The following NKAIN2 variants were observed in gnomAD, a reference collection of about 807,000 sequenced individuals.
NKAIN2 encodes the protein sodium/potassium-transporting ATPase subunit beta-1-interacting protein 2.
NKAIN2 carries 14 observed loss-of-function variants against 32.6 expected under a neutral mutation model. The ratio of observed to expected loss-of-function variants is 0.43; its 90% confidence interval spans 0.28 to 0.67. The LOEUF (loss-of-function observed/expected upper bound fraction) is 0.67, where lower values mean the gene tolerates loss of function less well. Ranked by LOEUF, NKAIN2 falls within the 30% of genes least tolerant of loss-of-function variation. NKAIN2 has a pLI of 0.17. For synonymous variants in NKAIN2, 80 were observed against 87.2 expected, an observed-to-expected ratio of 0.92 and a Z score of 0.46; for missense variants, 198 against 258.3, an observed-to-expected ratio of 0.77 and a Z score of 1.60.
At chr6:123,833,463 T>C (rs1159461823) in intron 1 of NKAIN2, among the ~76,000 whole-genome samples, 3 of 152,140 alleles carry the variant, frequency 2.0e-5, no homozygotes, top group Non-Finnish European at 2.9e-5. Context: ...ATGTATAAAA[T>C]AAGTTTCTGG....
chr6:123,909,466 G>C (rs952821024), intron 1 of NKAIN2, among the ~76,000 whole-genome samples: 3 of 152,192 alleles, frequency 2.0e-5, no homozygotes, highest in Non-Finnish European at 4.4e-5. Flanking sequence ...CACCCTCTCT[G>C]AGTCTCGCCA....
intron 1 of NKAIN2, among the ~76,000 whole-genome samples, chr6:124,093,881 A>G (rs1004622434): frequency 6.6e-6 from 1 of 152,158 alleles, no homozygotes; most frequent in Non-Finnish European, 1.5e-5. Context: ...GGTTGTTGTT[A>G]GCATCATCCA....
At chr6:124,822,473 A>G (rs945896882) in intron 6 of NKAIN2, among the ~76,000 whole-genome samples, 3 of 152,214 alleles carry the variant, frequency 2.0e-5, no homozygotes, top group African/African-American at 7.2e-5. Context: ...TGGGGCTCCC[A>G]CTGTTCCCAG....
At chr6:124,717,618 C>G (rs544914668) in intron 4 of NKAIN2, among the ~76,000 whole-genome samples, 4 of 152,092 alleles carry the variant, frequency 2.6e-5, no homozygotes, top group African/African-American at 9.6e-5. Flanking sequence ...CAATAATAAG[C>G]CTTAATATGT....
intron 1 of NKAIN2, among the ~76,000 whole-genome samples, chr6:123,882,277 G>GA (rs1239076772): frequency 6.6e-6 from 1 of 151,476 alleles, no homozygotes; most frequent in South Asian, 2.1e-4. Context: ...CATTAATTAT[G>GA]AAAAAAAATC....
intron 4 of NKAIN2, among the ~76,000 whole-genome samples, chr6:124,760,032 G>A (rs539265622): frequency 6.6e-6 from 1 of 152,066 alleles, no homozygotes; most frequent in Non-Finnish European, 1.5e-5. Context: ...CTGTGTAACA[G>A]TGAAAGCTTC....
At chr6:123,966,353 C>A (rs1450022210) in intron 1 of NKAIN2, among the ~76,000 whole-genome samples, 1 of 152,154 alleles carries the variant, frequency 6.6e-6, no homozygotes, top group Non-Finnish European at 1.5e-5. Flanking sequence ...CTAATCATGT[C>A]CTTCCCCCAG....
At chr6:123,862,323 A>G (rs758879764) in intron 1 of NKAIN2, among the ~76,000 whole-genome samples, 8 of 152,064 alleles carry the variant, frequency 5.3e-5, no homozygotes, top group Non-Finnish European at 1.2e-4. Flanking sequence ...TTGCAAACTC[A>G]GTTTTTTAGT....
intron 2 of NKAIN2, among the ~76,000 whole-genome samples, chr6:124,298,401 T>C (rs1228701963): frequency 6.6e-6 from 1 of 152,202 alleles, no homozygotes; most frequent in African/African-American, 2.4e-5. Context: ...CAAACCTTAC[T>C]TGTTGTCATG....
intron 1 of NKAIN2, among the ~76,000 whole-genome samples, chr6:123,987,131 C>T (rs926723592): frequency 5.3e-4 from 80 of 152,150 alleles, no homozygotes; most frequent in African/African-American, 1.8e-3. Context: ...ATACTTCACT[C>T]ATAGTTCAAA....
chr6:124,743,412 TTAA>T (rs1777311930), intron 4 of NKAIN2, among the ~76,000 whole-genome samples: 1 of 150,388 alleles, frequency 6.6e-6, no homozygotes, highest in Admixed American at 6.7e-5. Context: ...AATTAGTACT[TTAA>T]TAATTAATAA....
intron 1 of NKAIN2, among the ~76,000 whole-genome samples, chr6:124,225,173 C>G (rs1792040673): frequency 6.6e-6 from 1 of 151,906 alleles, no homozygotes; most frequent in Admixed American, 6.6e-5. Context: ...GTTTCTGTTT[C>G]TATGTTTTGA....
At chr6:124,582,938 C>T (rs1414581426) in intron 3 of NKAIN2, among the ~76,000 whole-genome samples, 2 of 151,694 alleles carry the variant, frequency 1.3e-5, no homozygotes, top group Admixed American at 6.6e-5. Flanking sequence ...TTATAAAAAC[C>T]CTAAAAAACT....
At chr6:124,352,187 A>G (rs1798765222) in intron 2 of NKAIN2, among the ~76,000 whole-genome samples, 1 of 152,172 alleles carries the variant, frequency 6.6e-6, no homozygotes, top group Non-Finnish European at 1.5e-5. Flanking sequence ...CATTCTCTAT[A>G]TGCTATTTAT....
chr6:124,147,151 A>G (rs1161158799), intron 1 of NKAIN2, among the ~76,000 whole-genome samples: 2 of 152,186 alleles, frequency 1.3e-5, no homozygotes, highest in African/African-American at 4.8e-5. Flanking sequence ...TATTATGATA[A>G]CACATTACCA....
At chr6:124,293,465 T>G (rs1795909461) in intron 2 of NKAIN2, among the ~76,000 whole-genome samples, 1 of 152,134 alleles carries the variant, frequency 6.6e-6, no homozygotes, top group African/African-American at 2.4e-5. Context: ...AACTTTTTTC[T>G]GTGGTATAGA....
intron 3 of NKAIN2, among the ~76,000 whole-genome samples, chr6:124,414,312 C>A (rs1047527428): frequency 6.6e-6 from 1 of 152,048 alleles, no homozygotes; most frequent in African/African-American, 2.4e-5. Flanking sequence ...TTGATAATAT[C>A]ATGAATTATA....
intron 3 of NKAIN2, among the ~76,000 whole-genome samples, chr6:124,416,013 T>A (rs541678366): frequency 1.1e-4 from 17 of 152,050 alleles, no homozygotes; most frequent in Admixed American, 2.6e-4. Context: ...TCATTTTTTT[T>A]AAAATTTAAG....
chr6:124,248,570 C>A (rs1793534411), intron 1 of NKAIN2, among the ~76,000 whole-genome samples: 1 of 151,966 alleles, frequency 6.6e-6, no homozygotes, highest in Admixed American at 6.6e-5. Context: ...ATCATACATT[C>A]CTTAGTCTGT....
Sources: allele counts gnomAD v4.1 joint callset (sites outside exome capture counted in the v4.1 genomes callset), GRCh38; gene constraint gnomAD v4.1.1; transcripts MANE v1.5; gene names NCBI Gene and HGNC (gene_info 2026-07-23, HGNC 2026-07-21).